Variants in CNTN1 observed in about 807,000 individuals in gnomAD.
CNTN1 encodes the protein contactin 1.
Under a neutral mutation model 126.4 loss-of-function variants are expected in CNTN1, and 38 were observed. That is an observed-to-expected ratio of 0.30 (90% CI 0.23 to 0.39). The LOEUF is 0.39. Among genes scored for constraint, CNTN1 ranks in the 10% least tolerant of loss-of-function variants. The pLI is 1.00. For synonymous variants in CNTN1, 413 were observed against 422.6 expected (o/e 0.98, Z 0.28); for missense variants, 1,009 against 1,248.4 (o/e 0.81, Z 2.89).
intron 3 of CNTN1, among the ~76,000 whole-genome samples, chr12:40,912,402 GAA>G (rs11329660): frequency 0.067 from 9,772 of 146,056 alleles, 524 homozygotes; most frequent in Admixed American, 0.17. Context: ...CTTTCAGAAA[GAA>G]AAAAAAAAAC....
intron 1 of CNTN1, among the ~76,000 whole-genome samples, chr12:40,785,701 A>T (rs1939990990): frequency 6.6e-6 from 1 of 152,128 alleles, no homozygotes; most frequent in African/African-American, 2.4e-5. Flanking sequence ...GGCAGAAACA[A>T]ATTACAATGG....
intron 17 of CNTN1, among the ~76,000 whole-genome samples, chr12:41,011,682 G>A (rs1163457061): frequency 6.6e-6 from 1 of 152,210 alleles, no homozygotes; most frequent in Non-Finnish European, 1.5e-5. Context: ...CTGAAAAATG[G>A]ATCTTGGGAA....
At chr12:41,008,438 C>T (rs916421608) in intron 17 of CNTN1, among the ~76,000 whole-genome samples, 1 of 152,052 alleles carries the variant, frequency 6.6e-6, no homozygotes, top group Non-Finnish European at 1.5e-5. Context: ...CATATATACC[C>T]CCGTTGCTTT....
chr12:40,909,975 C>A, intron 2 of CNTN1, 98 bp from the exon 3 acceptor site: 1 of 882,624 alleles, frequency 1.1e-6, no homozygotes, highest in Non-Finnish European at 1.9e-6. Flanking sequence ...CCACTACTCT[C>A]ATTCCATTGT....
At chr12:40,936,674 GATGTATTCTGCAGAATTAGGTTAACTAA>G in intron 9 of CNTN1, 79 bp from the exon 10 acceptor site, 1 of 1,378,106 alleles carries the variant, frequency 7.3e-7, no homozygotes, top group Non-Finnish European at 1.0e-6. Context: ...TACACTATCT[GATGTATTCTGCAGAATTAGGTTAACTAA>G]ATGTAATATT....
At chr12:40,952,297 T>TTC (rs1946719297) in intron 14 of CNTN1, among the ~76,000 whole-genome samples, 1 of 152,114 alleles carries the variant, frequency 6.6e-6, no homozygotes, top group African/African-American at 2.4e-5. Flanking sequence ...GTAGTGTTAC[T>TTC]TCTGGAACTC....
chr12:40,847,008 C>T (rs576114684), intron 1 of CNTN1, among the ~76,000 whole-genome samples: 6 of 152,094 alleles, frequency 3.9e-5, no homozygotes, highest in Admixed American at 6.6e-5. Flanking sequence ...GCTGGGGTTA[C>T]GGGCGTGTGC....
At chr12:41,039,291 A>C (rs758954168) in intron 23 of CNTN1, among the ~76,000 whole-genome samples, 1 of 152,188 alleles carries the variant, frequency 6.6e-6, no homozygotes. Context: ...TAGTCCAAGC[A>C]AGAGATGAAG....
chr12:40,981,151 A>T (rs1592358221), intron 16 of CNTN1, 84 bp downstream of exon 16: 1 of 1,371,470 alleles, frequency 7.3e-7, no homozygotes, highest in Non-Finnish European at 1.0e-6. Flanking sequence ...GGTTTTAAAA[A>T]TGTCATTATC....
At chr12:40,982,844 T>C (rs1947854414) in intron 16 of CNTN1, among the ~76,000 whole-genome samples, 1 of 149,600 alleles carries the variant, frequency 6.7e-6, no homozygotes, top group Non-Finnish European at 1.5e-5. Flanking sequence ...AGATGTGTTT[T>C]AAATAGGGTA....
chr12:40,937,105 C>A (rs1229770775), intron 10 of CNTN1, among the ~76,000 whole-genome samples, 200 bp downstream of exon 10: 2 of 151,724 alleles, frequency 1.3e-5, no homozygotes, highest in Non-Finnish European at 2.9e-5. Context: ...TCTTACTCTA[C>A]CTTCTCTCTC....
intron 23 of CNTN1, among the ~76,000 whole-genome samples, chr12:41,058,053 G>A (rs1949863517): frequency 6.6e-6 from 1 of 152,076 alleles, no homozygotes. Context: ...GTAGTGGCAG[G>A]AATAGGGAGT....
At chr12:41,026,168 A>G (rs1295661467) in intron 21 of CNTN1, among the ~76,000 whole-genome samples, 1 of 152,148 alleles carries the variant, frequency 6.6e-6, no homozygotes, top group Non-Finnish European at 1.5e-5. Flanking sequence ...AGGAGCATTC[A>G]TTTTTGTTCT....
chr12:41,016,990 TC>T (rs1232189407), intron 19 of CNTN1, 74 bp downstream of exon 19: 5 of 1,271,592 alleles, frequency 3.9e-6, no homozygotes, highest in Middle Eastern at 1.8e-4. Context: ...TTAGTTTGTT[TC>T]CTTTCAGGCC....
chr12:41,028,917 T>C (rs1404776484), intron 22 of CNTN1, 146 bp from the exon 23 acceptor site: 10 of 791,128 alleles, frequency 1.3e-5, no homozygotes, highest in Non-Finnish European at 2.0e-5. Context: ...TTTTTTCATC[T>C]AGTTTTAAAT....
At chr12:41,028,489 G>A (rs1746422473) in intron 22 of CNTN1, among the ~76,000 whole-genome samples, 1 of 152,154 alleles carries the variant, frequency 6.6e-6, no homozygotes, top group Non-Finnish European at 1.5e-5. Context: ...AGATAAAATA[G>A]AATAATCAGA....
At chr12:41,052,002 G>C (rs1240883204) in intron 23 of CNTN1, among the ~76,000 whole-genome samples, 2 of 151,014 alleles carry the variant, frequency 1.3e-5, no homozygotes, top group African/African-American at 4.9e-5. Flanking sequence ...TTATTGGAAT[G>C]TATTAAATAG....
At chr12:40,887,799 T>G (rs1192925069) in intron 1 of CNTN1, among the ~76,000 whole-genome samples, 3 of 151,810 alleles carry the variant, frequency 2.0e-5, no homozygotes, top group Non-Finnish European at 2.9e-5. Flanking sequence ...ATTAAGAAAA[T>G]GTGGCGCGTA....
At chr12:40,923,276 A>C (rs946856717) in intron 5 of CNTN1, among the ~76,000 whole-genome samples, 7 of 152,154 alleles carry the variant, frequency 4.6e-5, no homozygotes, top group Non-Finnish European at 5.9e-5. Context: ...TAAAAATTAG[A>C]GGTTGTTTTG....
Sources: gnomAD v4.1 joint callset for allele counts (sites outside exome capture counted in the v4.1 genomes callset) on GRCh38, gnomAD v4.1.1 for gene constraint, MANE v1.5 for transcripts, NCBI Gene and HGNC (gene_info 2026-07-23, HGNC 2026-07-21) for gene names.